CDH12: variants seen among roughly 807,000 people sequenced by gnomAD.
The protein encoded by CDH12 is cadherin-12.
CDH12 carries 41 observed loss-of-function variants against 74.1 expected under a neutral mutation model. That is an observed-to-expected ratio of 0.55 (90% CI 0.43 to 0.72). The LOEUF (loss-of-function observed/expected upper bound fraction) is 0.72. CDH12 is among the 30% of genes least tolerant of loss of function. CDH12 has a pLI of 0.00. For synonymous variants in CDH12, 399 were observed against 355.0 expected, an observed-to-expected ratio of 1.12 and a Z score of -1.39; for missense variants, 945 against 977.2, an observed-to-expected ratio of 0.97 and a Z score of 0.44.
chr5:22,293,621 T>TACAC (rs150772328), intron 3 of CDH12, among the ~76,000 whole-genome samples: 11 of 150,872 alleles, frequency 7.3e-5, no homozygotes, highest in African/African-American at 1.9e-4. Context: ...CATATACATA[T>TACAC]ACACACACAC....
chr5:22,278,702 A>G (rs60485340), intron 3 of CDH12, among the ~76,000 whole-genome samples: 2,169 of 152,270 alleles, frequency 0.014, 41 homozygotes, highest in African/African-American at 0.049. Flanking sequence ...TGATTTTAAT[A>G]TACACAATTC....
chr5:22,129,608 G>A (rs1746071137), intron 4 of CDH12, among the ~76,000 whole-genome samples: 1 of 152,072 alleles, frequency 6.6e-6, no homozygotes, highest in South Asian at 2.1e-4. Context: ...CAAAGATAGC[G>A]GGCATGCTCT....
At chr5:22,829,000 A>C (rs1736462180) in intron 1 of CDH12, among the ~76,000 whole-genome samples, 1 of 152,170 alleles carries the variant, frequency 6.6e-6, no homozygotes, top group Admixed American at 6.6e-5. Flanking sequence ...GACAAAGATA[A>C]TTTTCAATTT....
intron 6 of CDH12, among the ~76,000 whole-genome samples, chr5:21,964,761 A>G (rs1323683079): frequency 1.3e-5 from 2 of 152,036 alleles, no homozygotes; most frequent in African/African-American, 2.4e-5. Flanking sequence ...TTTATGCATT[A>G]TATTTAAGCA....
intron 9 of CDH12, among the ~76,000 whole-genome samples, chr5:21,813,252 G>T (rs1257624806): frequency 6.6e-6 from 1 of 152,134 alleles, no homozygotes; most frequent in Admixed American, 6.6e-5. Flanking sequence ...GCCAAGGCAG[G>T]TGGATCACCT....
intron 1 of CDH12, among the ~76,000 whole-genome samples, chr5:22,612,049 A>T (rs1737430913): frequency 6.6e-6 from 1 of 152,186 alleles, no homozygotes; most frequent in Non-Finnish European, 1.5e-5. Context: ...ACATTTGGTA[A>T]TGTATAAAAT....
intron 11 of CDH12, among the ~76,000 whole-genome samples, chr5:21,772,833 A>G (rs1424444314): frequency 3.3e-5 from 5 of 152,198 alleles, no homozygotes; most frequent in Non-Finnish European, 7.3e-5. Context: ...TGAAAAGTTC[A>G]TCATGTAGTT....
intron 10 of CDH12, among the ~76,000 whole-genome samples, chr5:21,789,910 A>C (rs1040539668): frequency 2.6e-5 from 4 of 152,056 alleles, no homozygotes; most frequent in Admixed American, 2.0e-4. Context: ...TGTACATAGC[A>C]CCTGCCACTT....
intron 3 of CDH12, among the ~76,000 whole-genome samples, chr5:22,293,799 C>A (rs1447305486): frequency 6.6e-6 from 1 of 152,034 alleles, no homozygotes; most frequent in African/African-American, 2.4e-5. Context: ...ATTGATCTCA[C>A]AGAAGTAGAG....
chr5:22,738,747 A>T (rs529402860), intron 1 of CDH12, among the ~76,000 whole-genome samples: 1 of 152,224 alleles, frequency 6.6e-6, no homozygotes, highest in African/African-American at 2.4e-5. Context: ...GAAATTACAC[A>T]ATCATAGGGA....
At chr5:21,769,085 T>A (rs552602170) in intron 11 of CDH12, among the ~76,000 whole-genome samples, 2 of 152,024 alleles carry the variant, frequency 1.3e-5, no homozygotes, top group South Asian at 2.1e-4. Context: ...TGATAAAAAC[T>A]CTCAAGAAAC....
chr5:21,793,953 C>T (rs187524917), intron 10 of CDH12, among the ~76,000 whole-genome samples: 99 of 150,140 alleles, frequency 6.6e-4, no homozygotes, highest in Admixed American at 2.0e-3. Context: ...ATAGTTGGGA[C>T]TATACTGAAT....
At chr5:22,778,689 A>G (rs2126338426) in intron 1 of CDH12, among the ~76,000 whole-genome samples, 1 of 152,270 alleles carries the variant, frequency 6.6e-6, no homozygotes, top group African/African-American at 2.4e-5. Context: ...AGTATGTAGG[A>G]TCAATTTCAA....
At chr5:22,819,982 TATATAC>T (rs1348713922) in intron 1 of CDH12, among the ~76,000 whole-genome samples, 61 of 145,894 alleles carry the variant, frequency 4.2e-4, no homozygotes, top group African/African-American at 1.3e-3. Flanking sequence ...CATATACATA[TATATAC>T]ATATACATAT....
At chr5:22,829,612 C>T (rs1736492273) in intron 1 of CDH12, among the ~76,000 whole-genome samples, 2 of 152,160 alleles carry the variant, frequency 1.3e-5, no homozygotes, top group Non-Finnish European at 2.9e-5. Flanking sequence ...TATTGGCAAC[C>T]TTGAAGAGAA....
chr5:22,229,519 T>C (rs1025818244), intron 3 of CDH12, among the ~76,000 whole-genome samples: 1 of 151,668 alleles, frequency 6.6e-6, no homozygotes, highest in African/African-American at 2.4e-5. Flanking sequence ...ATTCAAATCA[T>C]GGAAATTAGA....
intron 6 of CDH12, among the ~76,000 whole-genome samples, chr5:21,903,262 G>T (rs188622632): frequency 3.2e-4 from 49 of 152,262 alleles, no homozygotes; most frequent in African/African-American, 1.2e-3. Flanking sequence ...TAGGGAAATT[G>T]GAGAGTTACT....
chr5:22,803,850 G>C (rs1319840062), intron 1 of CDH12, among the ~76,000 whole-genome samples: 1 of 152,044 alleles, frequency 6.6e-6, no homozygotes, highest in Non-Finnish European at 1.5e-5. Context: ...CCCAATCTGG[G>C]GTAGAAGTCT....
chr5:22,820,047 A>G (rs931356012), intron 1 of CDH12, among the ~76,000 whole-genome samples: 1 of 148,532 alleles, frequency 6.7e-6, no homozygotes, highest in Non-Finnish European at 1.5e-5. Flanking sequence ...ATATATATAC[A>G]TATACATTGA....
Sources: allele counts gnomAD v4.1 joint callset (sites outside exome capture counted in the v4.1 genomes callset), GRCh38; gene constraint gnomAD v4.1.1; transcripts MANE v1.5; gene names NCBI Gene and HGNC (gene_info 2026-07-23, HGNC 2026-07-21).